Variants in COL6A3 observed in about 807,000 individuals in gnomAD.
The protein encoded by COL6A3 is collagen type VI alpha 3 chain.
A neutral mutation model predicts 274.1 loss-of-function variants in COL6A3; 137 were observed. The observed-to-expected ratio is 0.50, with a 90% confidence interval of 0.44 to 0.58. The LOEUF (loss-of-function observed/expected upper bound fraction) is 0.58. Among genes scored for constraint, COL6A3 ranks in the 20% least tolerant of loss-of-function variants. The pLI, the probability that COL6A3 is intolerant of heterozygous loss-of-function variation, is 0.00. For missense variants in COL6A3, 3,950 were observed against 4,124.9 expected (o/e 0.96, Z 1.16); for synonymous variants, 1,650 against 1,650.6 (o/e 1.00, Z 0.01).
intron 5 of COL6A3, 122 bp from the exon 6 acceptor site, chr2:237,379,357 G>A (rs1392509314): frequency 5.7e-6 from 7 of 1,221,570 alleles, no homozygotes; most frequent in South Asian, 1.3e-5. Context: ...GCATGGCAAA[G>A]CATGTCCATC....
Position 237,339,553 on chromosome 2 carries a change from A to C in COL6A3, c.8465-436T>G, listed in dbSNP as rs112538848. Among the ~76,000 whole-genome samples, 578 of 152,222 alleles carry C rather than the reference A, an allele frequency of 3.8e-3. 7 individuals carry two copies. Among genetic ancestry groups the C allele is most frequent in the African/African-American group, 0.013 (539 of 41,516 alleles). On this transcript the variant is annotated intron_variant, in intron 38 of 43. Coordinates refer to ENST00000295550, the MANE Select transcript of COL6A3 (RefSeq NM_004369.4). ...AGTGACCTGTGGGTGAACCTGGGGG[A>C]TTACCTTTGCTTCACATTTTTCTTT...
At chr2:237,397,795 A>T (rs1285969260) in intron 1 of COL6A3, among the ~76,000 whole-genome samples, 1 of 152,250 alleles carries the variant, frequency 6.6e-6, no homozygotes, top group Non-Finnish European at 1.5e-5. Flanking sequence ...ATTATGAAAG[A>T]TAGTTTTGAT....
chr2:237,328,030 G>C (rs1229768061), intron 42 of COL6A3: 1 of 152,160 alleles, frequency 6.6e-6, no homozygotes. Context: ...TGTGAGAGGA[G>C]CGCATGGCTG....
intron 29 of COL6A3, 79 bp downstream of exon 29, chr2:237,348,534 T>A: frequency 2.7e-6 from 4 of 1,457,696 alleles, no homozygotes; most frequent in South Asian, 1.2e-5. Flanking sequence ...ATAATTCTTT[T>A]AAAACACAAC....
intron 1 of COL6A3, among the ~76,000 whole-genome samples, chr2:237,409,301 T>C (rs920292388): frequency 2.0e-5 from 3 of 151,858 alleles, no homozygotes; most frequent in Non-Finnish European, 4.4e-5. Flanking sequence ...TTTTATTATT[T>C]TATTATTATT....
chr2:237,337,646 A>C (rs917013757), intron 39 of COL6A3, among the ~76,000 whole-genome samples: 9 of 152,194 alleles, frequency 5.9e-5, no homozygotes, highest in Non-Finnish European at 1.3e-4. Context: ...CAGAATCTGC[A>C]CTTCCCTCCA....
intron 11 of COL6A3, 64 bp downstream of exon 11, chr2:237,366,623 G>A (rs564750627): frequency 6.2e-7 from 1 of 1,613,230 alleles, no homozygotes; most frequent in East Asian, 2.2e-5. Flanking sequence ...CCAGGGACCA[G>A]ACAGCTAAAG....
intron 39 of COL6A3, among the ~76,000 whole-genome samples, chr2:237,338,777 T>C (rs2106317366): frequency 6.6e-6 from 1 of 152,236 alleles, no homozygotes; most frequent in Non-Finnish European, 1.5e-5. Flanking sequence ...CTAAATAAAT[T>C]AAGTAAGAAA....
Position 237,364,345 on chromosome 2 carries a change from C to T in COL6A3, c.5917+5G>A. On this transcript the variant is annotated splice_donor_5th_base_variant and intron_variant, in intron 13 of 43. Transcript: ENST00000295550. The surrounding 1 kb of genome is among the most constrained non-coding windows in gnomAD (Gnocchi z 4.6). ...TTCTCATATTTAGAAAGCCTTGGCA[C>T]CTACCTTCTTGGCGGAGGTTCTCAG... is the stretch of plus-strand genomic sequence containing the variant. 1.2e-6 allele frequency: 2 copies of T among 1,612,276 alleles called. No homozygotes were observed. The highest frequency in any genetic ancestry group is 1.7e-6 in the Non-Finnish European group (2 of 1,178,488).
intron 43 of COL6A3, 124 bp downstream of exon 43, chr2:237,325,436 G>A (rs2106298789): frequency 9.0e-7 from 1 of 1,113,330 alleles, no homozygotes; most frequent in Non-Finnish European, 1.4e-6. Context: ...CCTTATCTGA[G>A]GATACACTTT....
rs1174094150 is a variant in COL6A3, at chr2:237,385,515, A to G, written c.1312+2067T>C. On this transcript the variant is annotated intron_variant, in intron 4 of 43. Coordinates refer to ENST00000295550, the MANE Select transcript of COL6A3 (RefSeq NM_004369.4). ...AGAAATCGAAACCCAGAGAGGTTGC[A>G]TGACCTGCCCAGGATCACATGGCAG... Among the ~76,000 whole-genome samples, 3 of 152,216 alleles carry G rather than the reference A, an allele frequency of 2.0e-5. No homozygotes were observed. In the South Asian group the frequency reaches 6.2e-4, roughly 32 times the overall value.
rs181701275 is a variant in COL6A3, at chr2:237,386,858, C to T, written c.1312+724G>A. ...GAGGCTATGCATCCTGATGCCCCCA[C>T]CATACCTCCTATGTTTGTTAAGTGC... On this transcript the variant is annotated intron_variant, in intron 4 of 43. Coordinates refer to ENST00000295550, the MANE Select transcript of COL6A3 (RefSeq NM_004369.4). Among the ~76,000 whole-genome samples the T allele has an allele frequency of 7.2e-5, 11 of 152,318 alleles. No homozygotes were observed. In the East Asian group the frequency reaches 1.7e-3, roughly 24 times the overall value.
At position 237,368,586 on chromosome 2, in the gene COL6A3, T is replaced by C; in HGVS notation, c.4877A>G (p.Asp1626Gly). 6.2e-7 allele frequency: 1 copy of C among 1,614,048 alleles called. No homozygotes were observed. Among genetic ancestry groups the C allele is most frequent in the Non-Finnish European group, 8.5e-7 (1 of 1,179,972 alleles). The part of the protein sequence containing the change: ...SAATPAPPGV[D>G]TPPPSRPEKK... ...ACCTGGCCGTGAAGGAGGAGGGGTG[T>C]CCACCCCTGGAGGTGCAGGAGTGGC... is the stretch of plus-strand genomic sequence containing the variant. Residue 1626 changes from aspartate (D) to glycine (G), a missense_variant, in exon 10 of 44, where the codon GAC becomes GGC. Coordinates refer to ENST00000295550, the MANE Select transcript of COL6A3 (RefSeq NM_004369.4). The surrounding 1 kb of genome is among the most constrained non-coding windows in gnomAD (Gnocchi z 4.4).
At chr2:237,405,495 C>T (rs2078696961) in intron 1 of COL6A3, among the ~76,000 whole-genome samples, 1 of 152,052 alleles carries the variant, frequency 6.6e-6, no homozygotes, top group Non-Finnish European at 1.5e-5. Context: ...CGCTCATTCC[C>T]CGACACCACC....
rs1023123323 is a variant in COL6A3 at position 237,348,669 on chromosome 2, A to G, written c.6880-6T>C. 1 of 1,614,020 alleles carries G rather than the reference A, an allele frequency of 6.2e-7. No homozygotes were observed. The highest frequency in any genetic ancestry group is 8.5e-7 in the Non-Finnish European group (1 of 1,179,974). On this transcript the variant is annotated splice_region_variant and splice_polypyrimidine_tract_variant and intron_variant, in intron 28 of 43. Coordinates refer to ENST00000295550, the MANE Select transcript of COL6A3 (RefSeq NM_004369.4). ...CCGTCTCTCCCGTCATCTCCCTAAGAGTGGGAAAGAGATGTGACTGTAGGT... is the reference window on the plus strand; with the variant it reads ...CCGTCTCTCCCGTCATCTCCCTAAGGGTGGGAAAGAGATGTGACTGTAGGT...
rs765526209 is a variant in COL6A3 at position 237,336,319 on chromosome 2, C to A, written c.8781G>T (p.Met2927Ile). 4 of 1,613,194 alleles carry A rather than the reference C, an allele frequency of 2.5e-6. No individual in the cohort carries two copies. The African/African-American group carries it at 4.0e-5, about 16-fold the overall frequency. Residue 2927 changes from methionine (M) to isoleucine (I), a missense_variant, in exon 40 of 44, where the codon ATG (methionine) becomes ATT (isoleucine). This residue lies in a region of COL6A3 where 1,284 missense variants were observed against 1,349.7 expected (regional missense o/e 0.95). Coordinates refer to ENST00000295550, the MANE Select transcript of COL6A3 (RefSeq NM_004369.4). Reference sequence around the variant, plus strand: ...CCGCCACTGGGGGTCTAACAGTGGCCATCTTTGTGGCCACAGGCTTGGCAG... The same window carrying A: ...CCGCCACTGGGGGTCTAACAGTGGCAATCTTTGTGGCCACAGGCTTGGCAG... ...PVAAKPVATKMATVRPPVAVK... is the reference protein window; with the variant it reads ...PVAAKPVATKIATVRPPVAVK...
intron 4 of COL6A3, among the ~76,000 whole-genome samples, chr2:237,386,010 C>T (rs898967163): frequency 6.6e-6 from 1 of 152,200 alleles, no homozygotes; most frequent in African/African-American, 2.4e-5. Flanking sequence ...CAGAAGGCAA[C>T]ACTCACATAT....
At chr2:237,332,501 T>C (rs942838529) in intron 42 of COL6A3, among the ~76,000 whole-genome samples, 3 of 152,126 alleles carry the variant, frequency 2.0e-5, no homozygotes, top group Admixed American at 1.3e-4. Context: ...TCAAGCACCA[T>C]GGTGGGGTCG....
rs1419471755 is a variant in COL6A3, at chr2:237,395,119, T to C, written c.177A>G (p.Arg59=). 2.5e-6 allele frequency: 4 copies of C among 1,614,046 alleles called. No homozygotes were observed. Among genetic ancestry groups the C allele is most frequent in the Non-Finnish European group, 3.4e-6 (4 of 1,180,020 alleles). The change falls in exon 3 of 44, where the codon CGA becomes CGG. Residue 59 remains arginine (R), a synonymous_variant. Coordinates refer to ENST00000295550, the MANE Select transcript of COL6A3 (RefSeq NM_004369.4). The part of the protein sequence containing the change: ...TIGEEHFQLV[R]EFLYDVVKSL... ...ATTTTACAACATCATATAGAAACTCTCGAACAAGTTGGAAATGTTCCTCTC... is the reference window on the plus strand; with the variant it reads ...ATTTTACAACATCATATAGAAACTCCCGAACAAGTTGGAAATGTTCCTCTC...
Sources: gnomAD v4.1 joint callset for allele counts (sites outside exome capture counted in the v4.1 genomes callset) on GRCh38, gnomAD v4.1.1 for gene constraint, gnomAD v4.1.1 regional missense constraint, Gnocchi (gnomAD v3.1) non-coding constraint, MANE v1.5 for transcripts, NCBI Gene and HGNC (gene_info 2026-07-23, HGNC 2026-07-21) for gene names.